MSI2: variants seen among roughly 807,000 people sequenced by gnomAD.
MSI2 encodes the protein musashi RNA binding protein 2, also known as RNA-binding protein Musashi homolog 2.
Under a neutral mutation model 45.6 loss-of-function variants are expected in MSI2, and 17 were observed. The ratio of observed to expected loss-of-function variants is 0.37; its 90% confidence interval spans 0.26 to 0.56. The LOEUF (loss-of-function observed/expected upper bound fraction) is 0.56, where lower values mean the gene tolerates loss of function less well. Ranked by LOEUF, MSI2 falls within the 20% of genes least tolerant of loss-of-function variation. The pLI is 0.77. For synonymous variants in MSI2, 156 were observed against 158.2 expected (o/e 0.99, Z 0.11); for missense variants, 293 against 444.2 (o/e 0.66, Z 3.06).
intron 5 of MSI2, chr17:57,267,961 A>T (rs1208470632): frequency 6.6e-6 from 1 of 152,030 alleles, no homozygotes; most frequent in Non-Finnish European, 1.5e-5. Flanking sequence ...CCTTCTCTGT[A>T]CACAACAGAC....
At chr17:57,692,579 G>A in the MSI2 span, among the ~76,000 whole-genome samples, 1 of 152,194 alleles carries the variant, frequency 6.6e-6, no homozygotes, top group African/African-American at 2.4e-5. Context: ...TCCACCTGAA[G>A]AACTTCCTTT....
chr17:57,442,106 G>T (rs767130360), intron 6 of MSI2, among the ~76,000 whole-genome samples: 1 of 150,470 alleles, frequency 6.6e-6, no homozygotes, highest in East Asian at 2.0e-4. Flanking sequence ...GTGCGATCTC[G>T]GCTCACTGGG....
chr17:57,322,074 G>C (rs1182005390), intron 5 of MSI2, among the ~76,000 whole-genome samples: 1 of 152,216 alleles, frequency 6.6e-6, no homozygotes, highest in Non-Finnish European at 1.5e-5. Flanking sequence ...TGGGATTACA[G>C]GTGTGAGCCA....
intron 8 of MSI2, among the ~76,000 whole-genome samples, chr17:57,610,379 G>A (rs1467866873): frequency 1.3e-5 from 2 of 152,140 alleles, no homozygotes; most frequent in East Asian, 3.9e-4. Context: ...TTGAACCCGG[G>A]AGGCGGAGGT....
At position 57,330,243 on chromosome 17, in the gene MSI2, C is replaced by G. The variant is rs183728839; in HGVS notation, c.312+68051C>G. Among the ~76,000 whole-genome samples, 385 of 151,642 alleles carry G rather than the reference C, an allele frequency of 2.5e-3. 3 individuals carry two copies. Among genetic ancestry groups the G allele is most frequent in the Admixed American group, 5.5e-3 (84 of 15,236 alleles). ...GCCTGTCTCTCTTGATTGTCCTTCT[C>G]CTCCCAGTTTTTACCTCCAAAAGCC... is the stretch of plus-strand genomic sequence containing the variant. On this transcript the variant is annotated intron_variant, in intron 5 of 13. Coordinates refer to ENST00000284073, the MANE Select transcript of MSI2 (RefSeq NM_138962.4).
intron 7 of MSI2, among the ~76,000 whole-genome samples, chr17:57,546,399 T>TTC (rs371397962): frequency 2.2e-3 from 334 of 152,332 alleles, no homozygotes; most frequent in African/African-American, 7.3e-3. Flanking sequence ...CCTTAATTAC[T>TTC]GTGATGCTAA....
At chr17:57,488,772 C>T (rs1280381175) in intron 6 of MSI2, among the ~76,000 whole-genome samples, 2 of 151,752 alleles carry the variant, frequency 1.3e-5, no homozygotes, top group African/African-American at 2.4e-5. Flanking sequence ...TGCAGCGAGC[C>T]GAGATCGCGC....
At chr17:57,436,978 A>G (rs2084702411) in intron 6 of MSI2, among the ~76,000 whole-genome samples, 1 of 152,170 alleles carries the variant, frequency 6.6e-6, no homozygotes, top group South Asian at 2.1e-4. Context: ...CATCAGAGAC[A>G]CTTACAGCCT....
intron 6 of MSI2, among the ~76,000 whole-genome samples, chr17:57,502,602 G>GATAGATAGATATATATAT (rs1190802566): frequency 3.7e-5 from 2 of 54,418 alleles, no homozygotes; most frequent in African/African-American, 5.8e-5. Context: ...ATGACTCTGA[G>GATAGATAGATATATATAT]ATATATATAT....
At chr17:57,284,440 T>C (rs1343600016) in intron 5 of MSI2, among the ~76,000 whole-genome samples, 2 of 152,294 alleles carry the variant, frequency 1.3e-5, no homozygotes, top group East Asian at 3.9e-4. Flanking sequence ...TGTATGTGTT[T>C]TAGAGGTGTG....
At chr17:57,688,669 C>T (rs1452520501), downstream of MSI2, among the ~76,000 whole-genome samples, 2 of 151,986 alleles carry the variant, frequency 1.3e-5, no homozygotes, top group Non-Finnish European at 2.9e-5. Flanking sequence ...ATTAAAACTA[C>T]ATATGTATAT....
chr17:57,498,611 A>C (rs1205182860), intron 6 of MSI2, among the ~76,000 whole-genome samples: 5 of 152,194 alleles, frequency 3.3e-5, no homozygotes, highest in Non-Finnish European at 7.3e-5. Context: ...GGGCAGCTGA[A>C]GTGGCTTCTT....
chr17:57,632,595 G>T, intron 10 of MSI2: 1 of 1,066,418 alleles, frequency 9.4e-7, no homozygotes, highest in South Asian at 4.5e-5. Context: ...AACACAGGGG[G>T]CCCATCCTGA....
intron 5 of MSI2, among the ~76,000 whole-genome samples, chr17:57,376,723 G>A (rs1012448647): frequency 2.8e-4 from 42 of 152,266 alleles, no homozygotes; most frequent in African/African-American, 1.0e-3. Context: ...TTCAGAAATA[G>A]CGTCTTCCTC....
intron 8 of MSI2, among the ~76,000 whole-genome samples, chr17:57,605,629 G>A (rs142113872): frequency 3.3e-3 from 510 of 152,342 alleles, no homozygotes; most frequent in African/African-American, 0.011. Flanking sequence ...AACAGTCTGC[G>A]CCCGTATGCA....
At chr17:57,696,564 A>C in the MSI2 span, among the ~76,000 whole-genome samples, 1 of 152,172 alleles carries the variant, frequency 6.6e-6, no homozygotes, top group East Asian at 1.9e-4. Flanking sequence ...CAAGACCCCT[A>C]TCTCTACAAA....
In MSI2 at chr17:57,627,394, C is replaced by A; in HGVS notation, c.727+91C>A. 1 of 1,083,818 alleles carries A rather than the reference C, an allele frequency of 9.2e-7. No individual in the cohort carries two copies. The highest frequency in any genetic ancestry group is 1.4e-6 in the Non-Finnish European group (1 of 699,890). 67.1% of individuals were successfully genotyped at this position (1,083,818 alleles called of 1,614,324 possible). The stretch of plus-strand genomic sequence containing the variant: ...GAGGACCCCTAAAGAGAATGCATTT[C>A]TTACATGCATCCACTTGAAAATGAC... On this transcript the variant is annotated intron_variant, in intron 10 of 13. Transcript: ENST00000284073. This position sits in a 1 kb window ranked among gnomAD's most constrained non-coding sequence, Gnocchi z 4.6.
intron 6 of MSI2, among the ~76,000 whole-genome samples, chr17:57,418,201 C>G (rs953365914): frequency 2.6e-5 from 4 of 152,198 alleles, no homozygotes; most frequent in Admixed American, 2.6e-4. Context: ...AGGCAGCAGG[C>G]CTGTGGGCCG....
chr17:57,379,364 T>A (rs1598191958), intron 5 of MSI2, among the ~76,000 whole-genome samples: 1 of 149,740 alleles, frequency 6.7e-6, no homozygotes, highest in East Asian at 2.1e-4. Context: ...TCACTGGTAC[T>A]TTATGGAAGG....
Sources: allele counts gnomAD v4.1 joint callset (sites outside exome capture counted in the v4.1 genomes callset), GRCh38; gene constraint gnomAD v4.1.1; non-coding constraint Gnocchi (gnomAD v3.1); transcripts MANE v1.5; gene names NCBI Gene and HGNC (gene_info 2026-07-23, HGNC 2026-07-21).